The following TBC1D19 variants were observed in gnomAD, a reference collection of about 807,000 sequenced individuals.
TBC1D19 encodes TBC1 domain family, member 19.
A neutral mutation model predicts 89.0 loss-of-function variants in TBC1D19; 60 were observed. That is an observed-to-expected ratio of 0.67 (90% CI 0.55 to 0.84). The LOEUF (loss-of-function observed/expected upper bound fraction) is 0.84. TBC1D19 is among the 40% of genes least tolerant of loss of function. TBC1D19 has a pLI of 0.00. For missense variants in TBC1D19, 500 were observed against 610.8 expected (o/e 0.82, Z 1.91); for synonymous variants, 189 against 199.7 (o/e 0.95, Z 0.45).
chr4:26,668,861 T>C (rs1712037869), intron 9 of TBC1D19, among the ~76,000 whole-genome samples: 1 of 151,868 alleles, frequency 6.6e-6, no homozygotes, highest in African/African-American at 2.4e-5. Flanking sequence ...AGCTTTTATA[T>C]AAAAGTCAGG....
At chr4:26,764,193 C>T in the TBC1D19 span, among the ~76,000 whole-genome samples, 5 of 152,246 alleles carry the variant, frequency 3.3e-5, no homozygotes, top group East Asian at 9.6e-4. Context: ...TGGCTGATTG[C>T]TGACCCTCAC....
chr4:26,614,766 C>T (rs1741578107), intron 3 of TBC1D19, among the ~76,000 whole-genome samples: 1 of 152,084 alleles, frequency 6.6e-6, no homozygotes, highest in Non-Finnish European at 1.5e-5. Context: ...AAACCTCCGC[C>T]TCCCAGGTTC....
At chr4:26,744,385 T>C (rs1718529628) in intron 18 of TBC1D19, among the ~76,000 whole-genome samples, 1 of 151,612 alleles carries the variant, frequency 6.6e-6, no homozygotes, top group Non-Finnish European at 1.5e-5. Flanking sequence ...TATTTATTTT[T>C]ACTCTTATAT....
chr4:26,802,229 G>A, the TBC1D19 span, among the ~76,000 whole-genome samples: 5 of 152,162 alleles, frequency 3.3e-5, no homozygotes, highest in South Asian at 4.1e-4. Context: ...AATAGCTGAA[G>A]AAATTATAAT....
chr4:26,781,325 C>A, the TBC1D19 span, among the ~76,000 whole-genome samples: 105 of 152,162 alleles, frequency 6.9e-4, no homozygotes, highest in Non-Finnish European at 1.4e-3. Context: ...CAAAGTGAGG[C>A]TCTCAAGTCA....
the TBC1D19 span, among the ~76,000 whole-genome samples, chr4:26,854,484 G>A: frequency 6.6e-6 from 1 of 152,102 alleles, no homozygotes; most frequent in Admixed American, 6.6e-5. Flanking sequence ...TGCCTCCCTG[G>A]ATTTACTTGG....
chr4:26,777,958 A>C, the TBC1D19 span, among the ~76,000 whole-genome samples: 7 of 152,020 alleles, frequency 4.6e-5, no homozygotes, highest in African/African-American at 1.7e-4. Flanking sequence ...CAGTGGTCCA[A>C]GCTACTGAGG....
At chr4:26,748,642 A>G (rs1291521089) in intron 19 of TBC1D19, 116 bp downstream of exon 19, 8 of 745,460 alleles carry the variant, frequency 1.1e-5, no homozygotes, top group Non-Finnish European at 1.8e-5. Context: ...TTCATGAACA[A>G]TTAATAGATA....
the TBC1D19 span, among the ~76,000 whole-genome samples, chr4:26,841,151 C>T: frequency 1.8e-4 from 28 of 152,194 alleles, no homozygotes; most frequent in Middle Eastern, 3.4e-3. Context: ...CTAAGGTGGG[C>T]GGATCACCTG....
At chr4:26,796,457 AT>A in the TBC1D19 span, among the ~76,000 whole-genome samples, 3 of 152,086 alleles carry the variant, frequency 2.0e-5, no homozygotes, top group East Asian at 1.9e-4. Context: ...AATAATGTGT[AT>A]TTTTTTTCCC....
chr4:26,638,590 A>G (rs1260308275), intron 5 of TBC1D19, among the ~76,000 whole-genome samples, 181 bp from the exon 6 acceptor site: 4 of 152,212 alleles, frequency 2.6e-5, no homozygotes, highest in African/African-American at 9.6e-5. Flanking sequence ...GAGACTAGAT[A>G]TAACATAATA....
At chr4:26,586,674 C>G (rs1739436740) in intron 1 of TBC1D19, among the ~76,000 whole-genome samples, 1 of 152,096 alleles carries the variant, frequency 6.6e-6, no homozygotes, top group South Asian at 2.1e-4. Flanking sequence ...ACAAATATTG[C>G]ATACTCTTTG....
At chr4:26,671,920 AATTC>A (rs936826053) in intron 9 of TBC1D19, among the ~76,000 whole-genome samples, 6 of 151,870 alleles carry the variant, frequency 4.0e-5, no homozygotes, top group African/African-American at 1.4e-4. Context: ...ACAAAGGGAA[AATTC>A]ATTCATCAAT....
chr4:26,651,637 A>G (rs1322464531), intron 7 of TBC1D19, among the ~76,000 whole-genome samples: 2 of 152,184 alleles, frequency 1.3e-5, no homozygotes, highest in South Asian at 4.1e-4. Context: ...TTTTCTAGAT[A>G]TACAATCATG....
At chr4:26,790,333 C>G in the TBC1D19 span, among the ~76,000 whole-genome samples, 2 of 152,104 alleles carry the variant, frequency 1.3e-5, no homozygotes, top group East Asian at 3.8e-4. Context: ...GGCTGCCTTC[C>G]AAACACCTCC....
chr4:26,845,286 A>C, the TBC1D19 span, among the ~76,000 whole-genome samples: 1 of 152,156 alleles, frequency 6.6e-6, no homozygotes, highest in Non-Finnish European at 1.5e-5. Flanking sequence ...ATTTTGGTCT[A>C]TTTCTACAAG....
chr4:26,656,197 A>G (rs895953395), intron 7 of TBC1D19, among the ~76,000 whole-genome samples: 2 of 152,178 alleles, frequency 1.3e-5, no homozygotes, highest in Non-Finnish European at 2.9e-5. Flanking sequence ...CTACTCTTTT[A>G]TTCTTACTAT....
At chr4:26,786,753 CTGGATGGATGGATGGA>C in the TBC1D19 span, among the ~76,000 whole-genome samples, 1 of 85,682 alleles carries the variant, frequency 1.2e-5, no homozygotes, top group East Asian at 5.3e-4. Context: ...GGGTGGATGC[CTGGATGGATGGATGGA>C]TGGATGGATG....
the TBC1D19 span, among the ~76,000 whole-genome samples, chr4:26,788,660 G>C: frequency 6.6e-6 from 1 of 152,164 alleles, no homozygotes; most frequent in Non-Finnish European, 1.5e-5. Context: ...GTGACATTCT[G>C]AACATAGCCC....
Sources: allele counts gnomAD v4.1 joint callset (sites outside exome capture counted in the v4.1 genomes callset), GRCh38; gene constraint gnomAD v4.1.1; transcripts MANE v1.5; gene names NCBI Gene and HGNC (gene_info 2026-07-23, HGNC 2026-07-21).